Variants in PSD3 observed in about 807,000 individuals in gnomAD.
PSD3 encodes the protein PH and SEC7 domain-containing protein 3.
PSD3 carries 49 observed loss-of-function variants against 105.5 expected under a neutral mutation model. That is an observed-to-expected ratio of 0.46 (90% CI 0.37 to 0.59). The LOEUF (loss-of-function observed/expected upper bound fraction) is 0.59. Ranked by LOEUF, PSD3 falls within the 20% of genes least tolerant of loss-of-function variation. PSD3 has a pLI of 0.00. For synonymous variants in PSD3, 557 were observed against 457.8 expected, an observed-to-expected ratio of 1.22 and a Z score of -2.77; for missense variants, 1,561 against 1,263.8, an observed-to-expected ratio of 1.24 and a Z score of -3.57.
chr8:18,949,312 A>G (rs1291863828), intron 1 of PSD3, among the ~76,000 whole-genome samples: 5 of 136,238 alleles, frequency 3.7e-5, no homozygotes, highest in Non-Finnish European at 7.9e-5. Context: ...GAGTTAAACC[A>G]GTGATCAAAC....
rs374745564 is a variant in PSD3 at position 18,871,542 on chromosome 8, G to A, written c.1238+84C>T. ...AACAAGAACCCAAGGTATTGTGATTGAGTTCTCATATCAAGTACAGGATAA... is the reference window on the plus strand; with the variant it reads ...AACAAGAACCCAAGGTATTGTGATTAAGTTCTCATATCAAGTACAGGATAA... On this transcript the variant is annotated intron_variant, in intron 3 of 15. Coordinates refer to ENST00000327040, the MANE Select transcript of PSD3 (RefSeq NM_015310.4). 58 of 1,470,058 alleles carry A rather than the reference G, an allele frequency of 3.9e-5. No homozygotes were observed. In the African/African-American group the frequency reaches 6.2e-4, roughly 16 times the overall value. 91.1% of individuals were successfully genotyped at this position (1,470,058 alleles called of 1,614,324 possible). A position where few individuals can be genotyped will look rare whatever the true frequency, so the allele number is the denominator to read the frequency against.
At chr8:19,084,069 C>T (rs374649407) in intron 1 of PSD3, 11 of 343,366 alleles carry the variant, frequency 3.2e-5, no homozygotes, top group East Asian at 3.1e-4. Flanking sequence ...GGCTGCGGCT[C>T]GTGGGTACCT....
chr8:18,921,545 C>G (rs1200971661), intron 2 of PSD3, among the ~76,000 whole-genome samples: 1 of 152,120 alleles, frequency 6.6e-6, no homozygotes, highest in African/African-American at 2.4e-5. Flanking sequence ...GGTCCTGAAA[C>G]CTACACACAA....
chr8:19,013,746 G>A (rs1470976964), upstream of PSD3: 4 of 435,398 alleles, frequency 9.2e-6, no homozygotes, highest in Non-Finnish European at 1.3e-5. Flanking sequence ...GGCTGGCGAG[G>A]CTGCGAGCCC....
chr8:18,912,707 C>A (rs2129464564), intron 2 of PSD3, among the ~76,000 whole-genome samples: 1 of 152,306 alleles, frequency 6.6e-6, no homozygotes, highest in African/African-American at 2.4e-5. Flanking sequence ...CCCTCCTCCT[C>A]TTTGGCAACC....
intron 1 of PSD3, among the ~76,000 whole-genome samples, chr8:18,943,547 T>A (rs913572492): frequency 6.6e-6 from 1 of 151,656 alleles, no homozygotes; most frequent in African/African-American, 2.4e-5. Context: ...CCACAAGACA[T>A]CCAAAGGACA....
chr8:19,055,607 C>T (rs769963227), intron 1 of PSD3, among the ~76,000 whole-genome samples: 1 of 152,108 alleles, frequency 6.6e-6, no homozygotes, highest in Non-Finnish European at 1.5e-5. Context: ...GGAGAAAGGA[C>T]TAAGCTATGG....
intron 2 of PSD3, among the ~76,000 whole-genome samples, chr8:18,881,574 C>T (rs1254211636): frequency 6.6e-6 from 1 of 152,148 alleles, no homozygotes; most frequent in Non-Finnish European, 1.5e-5. Context: ...CCAGATAAAA[C>T]CGTTTTCATG....
At chr8:19,015,626 C>CAT (rs1827156203), upstream of PSD3, among the ~76,000 whole-genome samples, 1 of 152,178 alleles carries the variant, frequency 6.6e-6, no homozygotes, top group African/African-American at 2.4e-5. Flanking sequence ...AAAAAGTAAT[C>CAT]ATATAGGAGG....
chr8:18,731,227 G>A (rs1427467640), intron 9 of PSD3, among the ~76,000 whole-genome samples: 1 of 152,178 alleles, frequency 6.6e-6, no homozygotes, highest in East Asian at 1.9e-4. Context: ...CTGCACTCTT[G>A]CCTGGGTGAC....
At chr8:18,802,889 A>G (rs1466558628) in intron 6 of PSD3, among the ~76,000 whole-genome samples, 1 of 152,236 alleles carries the variant, frequency 6.6e-6, no homozygotes, top group African/African-American at 2.4e-5. Context: ...AAAAGGTCAG[A>G]AAAAGTGGAT....
intron 1 of PSD3, among the ~76,000 whole-genome samples, chr8:18,964,191 C>G (rs142167037): frequency 0.014 from 2,186 of 152,248 alleles, 67 homozygotes; most frequent in African/African-American, 0.05. Flanking sequence ...ATGGTGTGAT[C>G]ATGGCTCAAT....
At chr8:18,922,763 T>C (rs1381477770) in intron 2 of PSD3, among the ~76,000 whole-genome samples, 1 of 152,168 alleles carries the variant, frequency 6.6e-6, no homozygotes, top group Non-Finnish European at 1.5e-5. Flanking sequence ...ATTAATCTGC[T>C]AAATCAGCTC....
chr8:18,535,860 G>C lies in PSD3; in HGVS notation c.3027C>G (p.His1009Gln). 1.2e-6 allele frequency: 2 copies of C among 1,614,096 alleles called. No individual in the cohort carries two copies. Among genetic ancestry groups the C allele is most frequent in the Non-Finnish European group, 8.5e-7 (1 of 1,179,962 alleles). ...TATCCGGGTTCAGCGAAGGACTCGA[G>C]TGCGACTTCTTCAGTCCTGCAGCCT... ...ESEAAGLKKS[H>Q]SSPSLNPDTS... Residue 1009 changes from histidine to glutamine, a missense_variant, in exon 16 of 16, where the codon CAC becomes CAG. By Grantham distance (24) the His-to-Gln change is conservative. Transcript: ENST00000327040.
At chr8:18,753,508 C>T (rs762035432) in intron 9 of PSD3, among the ~76,000 whole-genome samples, 2 of 152,036 alleles carry the variant, frequency 1.3e-5, no homozygotes, top group Non-Finnish European at 2.9e-5. Context: ...TCTGCAAAAA[C>T]AACAATTTAG....
intron 1 of PSD3, among the ~76,000 whole-genome samples, chr8:18,993,789 T>C (rs1437038411): frequency 6.6e-6 from 1 of 152,060 alleles, no homozygotes; most frequent in African/African-American, 2.4e-5. Flanking sequence ...AAGACTTAAA[T>C]TAATGGCAAA....
At chr8:19,056,208 C>G (rs749575783) in intron 1 of PSD3, among the ~76,000 whole-genome samples, 8 of 152,180 alleles carry the variant, frequency 5.3e-5, no homozygotes, top group Middle Eastern at 3.2e-3. Flanking sequence ...AATGTAGAAT[C>G]TATAACTTAA....
At chr8:18,672,915 G>A (rs554645775) in intron 9 of PSD3, among the ~76,000 whole-genome samples, 9 of 152,074 alleles carry the variant, frequency 5.9e-5, no homozygotes, top group Admixed American at 2.0e-4. Context: ...CTAGTCCCTG[G>A]AAATTATTCC....
intron 11 of PSD3, among the ~76,000 whole-genome samples, chr8:18,611,347 G>A (rs1488704698): frequency 2.0e-5 from 3 of 151,996 alleles, no homozygotes; most frequent in Non-Finnish European, 4.4e-5. Flanking sequence ...CCCAATTTTG[G>A]AAGTCTCAAA....
Sources: gnomAD v4.1 joint callset for allele counts (sites outside exome capture counted in the v4.1 genomes callset) on GRCh38, gnomAD v4.1.1 for gene constraint, MANE v1.5 for transcripts, NCBI Gene and HGNC (gene_info 2026-07-23, HGNC 2026-07-21) for gene names.